PREX2: variants seen among roughly 807,000 people sequenced by gnomAD.
The protein encoded by PREX2 is phosphatidylinositol-3,4,5-trisphosphate dependent Rac exchange factor 2, also known as phosphatidylinositol 3,4,5-trisphosphate-dependent Rac exchanger 2 protein.
In PREX2, 107 loss-of-function variants were observed where a neutral mutation model predicts 203.2. The ratio of observed to expected loss-of-function variants is 0.53; its 90% CI spans 0.45 to 0.62. The LOEUF (loss-of-function observed/expected upper bound fraction) is 0.62, where lower values mean the gene tolerates loss of function less well. PREX2 is among the 20% of genes least tolerant of loss of function. The pLI is 0.00. For missense variants in PREX2, 1,777 were observed against 1,955.9 expected, an observed-to-expected ratio of 0.91 and a Z score of 1.72; for synonymous variants, 672 against 663.6, an observed-to-expected ratio of 1.01 and a Z score of -0.19.
chr8:68,043,328 T>C (rs1311234779), intron 7 of PREX2, among the ~76,000 whole-genome samples: 1 of 152,134 alleles, frequency 6.6e-6, no homozygotes, highest in Non-Finnish European at 1.5e-5. Flanking sequence ...TAGTTTTCTT[T>C]ATAGAGATGA....
intron 20 of PREX2, among the ~76,000 whole-genome samples, chr8:68,091,253 C>T (rs907451494): frequency 1.3e-5 from 2 of 152,114 alleles, no homozygotes; most frequent in African/African-American, 2.4e-5. Context: ...AAAGAAAATA[C>T]CAAAATGTAC....
At position 68,022,125 on chromosome 8, in the gene PREX2, C is replaced by G. The variant is rs756804756; in HGVS notation, c.426C>G (p.Ile142Met). The change falls in exon 4 of 40, where the codon ATC (isoleucine) becomes ATG (methionine). Residue 142 changes from isoleucine (I) to methionine (M), a missense_variant. Ile to Met is a conservative substitution (Grantham distance 10). Transcript: ENST00000288368. ...LLLELNKIRT[I>M]RTFLLNCMLL... ...TTGAACTCAACAAAATAAGAACAAT[C>G]CGGACATTTCTTTTGGTAAGTGTAT... 6.6e-7 allele frequency: 1 copy of G among 1,523,482 alleles called. No homozygotes were observed. Among genetic ancestry groups the G allele is most frequent in the African/African-American group, 1.4e-5 (1 of 72,964 alleles). 94.4% of individuals were successfully genotyped at this position (1,523,482 alleles called of 1,614,324 possible). A position where few individuals can be genotyped will look rare whatever the true frequency, so the allele number is the denominator to read the frequency against.
intron 38 of PREX2, among the ~76,000 whole-genome samples, chr8:68,220,970 G>T (rs904071598): frequency 6.6e-6 from 1 of 152,086 alleles, no homozygotes; most frequent in African/African-American, 2.4e-5. Context: ...CACCCAAACA[G>T]TAAACATAAT....
At chr8:68,199,769 A>G (rs1286203293) in intron 37 of PREX2, among the ~76,000 whole-genome samples, 1 of 152,220 alleles carries the variant, frequency 6.6e-6, no homozygotes, top group Admixed American at 6.5e-5. Context: ...TCTTTGTAAT[A>G]CTTTACTCTG....
intron 1 of PREX2, among the ~76,000 whole-genome samples, chr8:68,011,727 C>T (rs148789558): frequency 3.3e-5 from 5 of 151,952 alleles, no homozygotes; most frequent in Admixed American, 3.3e-4. Context: ...TGTTTTTGAC[C>T]TCTGCTTTAG....
rs567533952 is a variant in PREX2 at position 67,963,669 on chromosome 8, A to AT, written c.141+11144dup. Among the ~76,000 whole-genome samples, 827 of 149,968 alleles carry AT rather than the reference A, an allele frequency of 5.5e-3. 7 individuals carry two copies. The highest frequency in any genetic ancestry group is 0.016 in the African/African-American group (639 of 40,958). Reference sequence around the variant, plus strand: ...GTTTTTCCTTTAGAAAAAGAATAGTATTTTTTTTTTACCTGTACTTAACAT... The same window carrying AT: ...GTTTTTCCTTTAGAAAAAGAATAGTATTTTTTTTTTTACCTGTACTTAACAT... On this transcript the variant is annotated intron_variant, in intron 1 of 39. Coordinates refer to ENST00000288368, the MANE Select transcript of PREX2 (RefSeq NM_024870.4).
chr8:68,163,767 G>A lies in PREX2; in HGVS notation c.4346+6331G>A, dbSNP rs191759649. On this transcript the variant is annotated intron_variant, in intron 35 of 39. Transcript: ENST00000288368. ...AAGCAATGCTTCTACAGTGCACTGT[G>A]CTACAAAGACATTTCTCCAAGGTTT... Among the ~76,000 whole-genome samples, 7 of 152,258 alleles carry A rather than the reference G, an allele frequency of 4.6e-5. No homozygotes were observed. In the East Asian group the frequency reaches 1.4e-3, roughly 29 times the overall value.
intron 19 of PREX2, among the ~76,000 whole-genome samples, chr8:68,088,972 G>A (rs936822532): frequency 1.3e-5 from 2 of 152,164 alleles, no homozygotes; most frequent in Non-Finnish European, 2.9e-5. Flanking sequence ...CTTCTGAAGA[G>A]TAAAAGACAG....
chr8:68,096,949 A>G (rs1455284238), intron 21 of PREX2, 68 bp from the exon 22 acceptor site: 2 of 1,326,340 alleles, frequency 1.5e-6, no homozygotes, highest in Non-Finnish European at 2.1e-6. Context: ...TTAAAGAGAC[A>G]CAAAATTATT....
Position 68,224,520 on chromosome 8 carries a change from A to T in PREX2, c.4708-39A>T, listed in dbSNP as rs148811365. 584 of 1,503,414 alleles carry T rather than the reference A, an allele frequency of 3.9e-4. 4 individuals are homozygous for T. In the African/African-American group the frequency reaches 7.1e-3, roughly 18 times the overall value. The allele number at this position is 1,503,414 out of a possible 1,614,324, so 93.1% of individuals were successfully genotyped here. The stretch of plus-strand genomic sequence containing the variant: ...TTAATGGTATGTTAAATTATTACTA[A>T]CACACTGTAGGGATAAAAGTGATTT... On this transcript the variant is annotated intron_variant, in intron 38 of 39. Coordinates refer to ENST00000288368, the MANE Select transcript of PREX2 (RefSeq NM_024870.4).
intron 21 of PREX2, among the ~76,000 whole-genome samples, chr8:68,095,594 T>C (rs1276231357): frequency 6.6e-6 from 1 of 151,626 alleles, no homozygotes; most frequent in East Asian, 1.9e-4. Context: ...TATGTGTGTG[T>C]ATATATATAT....
In PREX2 at chr8:67,992,521, C is replaced by T. The variant is rs530525657; in HGVS notation, c.142-25325C>T. ...GATATTACTTAAAATCTGACTTGATCAGATATTGAACCTTTTAAAAAAAGT... is the reference window on the plus strand; with the variant it reads ...GATATTACTTAAAATCTGACTTGATTAGATATTGAACCTTTTAAAAAAAGT... On this transcript the variant is annotated intron_variant, in intron 1 of 39. Transcript: ENST00000288368. 2.7e-3 allele frequency among the ~76,000 whole-genome samples: 416 copies of T among 152,220 alleles called. 1 individual carries two copies. The highest frequency in any genetic ancestry group is 9.5e-3 in the African/African-American group (394 of 41,516).
chr8:68,197,532 T>G (rs1812421279), intron 37 of PREX2, among the ~76,000 whole-genome samples: 1 of 151,948 alleles, frequency 6.6e-6, no homozygotes, highest in Non-Finnish European at 1.5e-5. Context: ...CAGTCTCAGG[T>G]ATTTCCTCAT....
chr8:68,100,464 A>G (rs1461136091), intron 23 of PREX2, among the ~76,000 whole-genome samples: 1 of 152,226 alleles, frequency 6.6e-6, no homozygotes, highest in Non-Finnish European at 1.5e-5. Flanking sequence ...GGAAATCAAA[A>G]TAGGGAAGTA....
chr8:68,225,984 T>G lies in PREX2; in HGVS notation c.4775+1358T>G, dbSNP rs1212737354. ...GATCAGACTTCAGCACCCTGATCAATAAACCAGTGTGCAAGCTGAACACAA... is the reference window on the plus strand; with the variant it reads ...GATCAGACTTCAGCACCCTGATCAAGAAACCAGTGTGCAAGCTGAACACAA... On this transcript the variant is annotated intron_variant, in intron 39 of 39. Transcript: ENST00000288368. 2.0e-5 allele frequency among the ~76,000 whole-genome samples: 3 copies of G among 152,084 alleles called. No homozygotes were observed. The East Asian group carries it at 5.8e-4, about 29-fold the overall frequency.
At chr8:68,047,492 T>TACAC (rs1808397173) in intron 8 of PREX2, among the ~76,000 whole-genome samples, 2 of 86,470 alleles carry the variant, frequency 2.3e-5, no homozygotes, top group African/African-American at 1.5e-4. Flanking sequence ...TATATATATA[T>TACAC]ATATATATAT....
At chr8:68,170,712 A>G (rs554351172) in intron 35 of PREX2, among the ~76,000 whole-genome samples, 2 of 152,232 alleles carry the variant, frequency 1.3e-5, no homozygotes, top group South Asian at 4.1e-4. Context: ...GGGCATTTTT[A>G]TCCCCTCCAT....
chr8:68,155,372 A>G (rs187958685), intron 34 of PREX2, among the ~76,000 whole-genome samples: 1 of 152,286 alleles, frequency 6.6e-6, no homozygotes, highest in East Asian at 1.9e-4. Flanking sequence ...TGCTTTTCTC[A>G]AGTATAAACT....
intron 37 of PREX2, among the ~76,000 whole-genome samples, chr8:68,205,556 C>T (rs1265764357): frequency 6.6e-6 from 1 of 152,174 alleles, no homozygotes; most frequent in Non-Finnish European, 1.5e-5. Context: ...GGGGATTGAT[C>T]ACTATTTAAC....
Sources: gnomAD v4.1 joint callset for allele counts (sites outside exome capture counted in the v4.1 genomes callset) on GRCh38, gnomAD v4.1.1 for gene constraint, MANE v1.5 for transcripts, NCBI Gene and HGNC (gene_info 2026-07-23, HGNC 2026-07-21) for gene names.